Variants in ERBB4 observed in about 807,000 individuals in gnomAD.
ERBB4 encodes erb-b2 receptor tyrosine kinase 4, also known as receptor tyrosine-protein kinase erbB-4.
In ERBB4, 42 loss-of-function variants were observed where a neutral mutation model predicts 158.0. That is an observed-to-expected ratio of 0.27 (90% CI 0.21 to 0.34). ERBB4 has a LOEUF of 0.34. Ranked by LOEUF, ERBB4 falls within the 10% of genes least tolerant of loss-of-function variation. The pLI is 1.00. For missense variants in ERBB4, 1,333 were observed against 1,624.1 expected (o/e 0.82, Z 3.08); for synonymous variants, 583 against 558.7 (o/e 1.04, Z -0.61).
chr2:212,429,557 G>C (rs887129671), intron 1 of ERBB4, among the ~76,000 whole-genome samples: 1 of 152,282 alleles, frequency 6.6e-6, no homozygotes, highest in South Asian at 2.1e-4. Context: ...CATTTACTAA[G>C]TTCTTATGCC....
At chr2:212,055,717 CCTGA>C (rs2077542811) in intron 2 of ERBB4, among the ~76,000 whole-genome samples, 1 of 152,218 alleles carries the variant, frequency 6.6e-6, no homozygotes, top group Non-Finnish European at 1.5e-5. Flanking sequence ...AGCTGAGGGT[CCTGA>C]CTGTTAGAAG....
chr2:212,391,870 G>T (rs1301471622), intron 1 of ERBB4, among the ~76,000 whole-genome samples: 1 of 149,032 alleles, frequency 6.7e-6, no homozygotes, highest in Non-Finnish European at 1.5e-5. Flanking sequence ...ACATATGATT[G>T]TCTTTGTTCT....
At chr2:212,089,518 A>T (rs1215878982) in intron 2 of ERBB4, among the ~76,000 whole-genome samples, 1 of 152,200 alleles carries the variant, frequency 6.6e-6, no homozygotes, top group Admixed American at 6.5e-5. Flanking sequence ...TGCATGGTTT[A>T]GCACCATCTC....
chr2:212,024,505 AG>A (rs2076729494), intron 2 of ERBB4, among the ~76,000 whole-genome samples: 1 of 152,000 alleles, frequency 6.6e-6, no homozygotes, highest in African/African-American at 2.4e-5. Context: ...AACAGGCTCA[AG>A]TTGTTCCTTA....
chr2:212,107,236 C>T (rs567698729), intron 2 of ERBB4, among the ~76,000 whole-genome samples: 1 of 152,198 alleles, frequency 6.6e-6, no homozygotes, highest in Non-Finnish European at 1.5e-5. Context: ...GCCACGGGGG[C>T]AGAGCTGCCC....
chr2:211,725,860 A>C (rs931423668), intron 5 of ERBB4, among the ~76,000 whole-genome samples: 21 of 152,038 alleles, frequency 1.4e-4, no homozygotes, highest in Admixed American at 3.9e-4. Flanking sequence ...GAAAGGAGGA[A>C]GGAAAGAAAA....
intron 2 of ERBB4, among the ~76,000 whole-genome samples, chr2:212,035,661 A>G (rs2076996849): frequency 1.3e-5 from 2 of 152,170 alleles, no homozygotes; most frequent in African/African-American, 4.8e-5. Context: ...GGAATGTGTC[A>G]TGTACTTTCC....
At chr2:211,445,038 G>A (rs1314486082) in intron 20 of ERBB4, among the ~76,000 whole-genome samples, 1 of 152,038 alleles carries the variant, frequency 6.6e-6, no homozygotes, top group East Asian at 1.9e-4. Context: ...AAAAGGTAAT[G>A]GTATATTTAG....
At chr2:211,513,363 AAAAAAAAAAAAAAC>A (rs1396022552) in intron 20 of ERBB4, among the ~76,000 whole-genome samples, 2 of 133,410 alleles carry the variant, frequency 1.5e-5, no homozygotes, top group African/African-American at 6.7e-5. Flanking sequence ...GTCTCAAAAA[AAAAAAAAAAAAAAC>A]AAAAAAAAAA....
At position 211,743,430 on chromosome 2, in the gene ERBB4, G is replaced by A. The variant is rs529500683; in HGVS notation, c.622+7209C>T. ...GAAACAACCACCCTTTCTGATAATG[G>A]GAGACTGGAGAGAGCTGGCCTGATA... On this transcript the variant is annotated intron_variant, in intron 5 of 27. Coordinates refer to ENST00000342788, the MANE Select transcript of ERBB4 (RefSeq NM_005235.3). Among the ~76,000 whole-genome samples, 5 of 152,234 alleles carry A rather than the reference G, an allele frequency of 3.3e-5. No homozygotes were observed. The South Asian group carries it at 1.0e-3, about 32-fold the overall frequency.
intron 19 of ERBB4, among the ~76,000 whole-genome samples, chr2:211,565,775 G>A (rs138664583): frequency 5.9e-5 from 9 of 152,158 alleles, no homozygotes; most frequent in African/African-American, 1.2e-4. Flanking sequence ...AGGAAAAGGG[G>A]GCAGCATGGG....
chr2:211,450,868 A>G lies in ERBB4; in HGVS notation c.2488-19768T>C, dbSNP rs373829526. On this transcript the variant is annotated intron_variant, in intron 20 of 27. Transcript: ENST00000342788. Reference sequence around the variant, plus strand: ...TTACCTGTTGTCTGTTTCACTGACTACAGTGAAGGCACCACGAGGAGAAAG... The same window carrying G: ...TTACCTGTTGTCTGTTTCACTGACTGCAGTGAAGGCACCACGAGGAGAAAG... Among the ~76,000 whole-genome samples the G allele has an allele frequency of 2.2e-4, 33 of 152,266 alleles. 1 individual carries two copies. The highest frequency in any genetic ancestry group is 7.9e-4 in the African/African-American group (33 of 41,554).
intron 2 of ERBB4, among the ~76,000 whole-genome samples, chr2:212,062,978 GA>G (rs1477073559): frequency 1.3e-5 from 2 of 152,096 alleles, no homozygotes; most frequent in Non-Finnish European, 2.9e-5. Flanking sequence ...GAGTTATTGT[GA>G]AAATTGAATA....
chr2:211,753,215 T>A (rs550341061), intron 4 of ERBB4, among the ~76,000 whole-genome samples: 1 of 152,296 alleles, frequency 6.6e-6, no homozygotes, highest in South Asian at 2.1e-4. Context: ...TAACCTTAGT[T>A]TGATTCTTGT....
chr2:211,455,172 G>T (rs746802533), intron 20 of ERBB4, among the ~76,000 whole-genome samples: 1 of 152,190 alleles, frequency 6.6e-6, no homozygotes, highest in Non-Finnish European at 1.5e-5. Flanking sequence ...TATTTCAATA[G>T]AAAATGCTCT....
chr2:212,322,143 C>T (rs1037793412), intron 1 of ERBB4, among the ~76,000 whole-genome samples: 4 of 150,246 alleles, frequency 2.7e-5, no homozygotes, highest in African/African-American at 9.7e-5. Context: ...AAATATAACC[C>T]TAAAAATATA....
chr2:211,743,136 GT>G (rs1316914212), intron 5 of ERBB4, among the ~76,000 whole-genome samples: 1 of 152,056 alleles, frequency 6.6e-6, no homozygotes, highest in Non-Finnish European at 1.5e-5. Context: ...AATAAATAAT[GT>G]TTTTAACCTA....
At chr2:212,425,296 CATATAAT>C (rs965213270) in intron 1 of ERBB4, among the ~76,000 whole-genome samples, 4 of 126,910 alleles carry the variant, frequency 3.2e-5, no homozygotes, top group East Asian at 4.2e-4. Flanking sequence ...ATATATTTTA[CATATAAT>C]ATATAATATA....
At chr2:211,512,816 T>A (rs1355622913) in intron 20 of ERBB4, among the ~76,000 whole-genome samples, 1 of 152,080 alleles carries the variant, frequency 6.6e-6, no homozygotes, top group Non-Finnish European at 1.5e-5. Flanking sequence ...ACCTGACCCA[T>A]CTCTGCATGC....
Sources: gnomAD v4.1 joint callset for allele counts (sites outside exome capture counted in the v4.1 genomes callset) on GRCh38, gnomAD v4.1.1 for gene constraint, MANE v1.5 for transcripts, NCBI Gene and HGNC (gene_info 2026-07-23, HGNC 2026-07-21) for gene names.